Variants in OSMR observed in about 807,000 individuals in gnomAD.
OSMR encodes the protein oncostatin-M-specific receptor subunit beta.
Under a neutral mutation model 99.9 loss-of-function variants are expected in OSMR, and 81 were observed. The ratio of observed to expected loss-of-function variants is 0.81; its 90% confidence interval spans 0.68 to 0.97. OSMR has a LOEUF of 0.97. OSMR is among the 50% of genes least tolerant of loss of function. OSMR has a pLI of 0.00. For synonymous variants in OSMR, 406 were observed against 410.4 expected, an observed-to-expected ratio of 0.99 and a Z score of 0.13; for missense variants, 1,099 against 1,153.4, an observed-to-expected ratio of 0.95 and a Z score of 0.68.
intron 1 of OSMR, among the ~76,000 whole-genome samples, chr5:38,850,053 G>T (rs563480633): frequency 6.6e-6 from 1 of 152,138 alleles, no homozygotes; most frequent in East Asian, 1.9e-4. Context: ...TTATTTATTG[G>T]TAGTATCCTA....
chr5:38,906,531 A>G (rs923035876), intron 9 of OSMR, among the ~76,000 whole-genome samples: 6 of 152,204 alleles, frequency 3.9e-5, no homozygotes, highest in African/African-American at 1.4e-4. Flanking sequence ...TTTGTTATAA[A>G]TAGTAATTTA....
intron 3 of OSMR, among the ~76,000 whole-genome samples, chr5:38,881,012 T>A (rs6888587): frequency 0.21 from 32,149 of 151,902 alleles, 3,476 homozygotes; most frequent in Admixed American, 0.28. Context: ...AGTGTGGCCA[T>A]GTGGCCACCG....
chr5:38,932,735 C>A (rs1172006406), intron 17 of OSMR, 137 bp from the exon 18 acceptor site: 4 of 1,523,806 alleles, frequency 2.6e-6, no homozygotes, highest in Non-Finnish European at 3.5e-6. Context: ...TTCAACATCA[C>A]CTCCAGGTTA....
rs535049055 is a variant in OSMR at position 38,910,289 on chromosome 5, A to T, written c.1285+5786A>T. ...CATAATAATAGTAGGAGACTTCAAC[A>T]TTTTGCTGACAGTATTACATGAATT... On this transcript the variant is annotated intron_variant, in intron 9 of 17. Coordinates refer to ENST00000274276, the MANE Select transcript of OSMR (RefSeq NM_003999.3). Among the ~76,000 whole-genome samples, 24 of 152,314 alleles carry T rather than the reference A, an allele frequency of 1.6e-4. No individual in the cohort carries two copies. The South Asian group carries it at 3.9e-3, about 25-fold the overall frequency.
At chr5:38,869,538 G>A (rs938643322) in intron 2 of OSMR, among the ~76,000 whole-genome samples, 32 of 152,180 alleles carry the variant, frequency 2.1e-4, no homozygotes, top group African/African-American at 7.5e-4. Context: ...TATGTTCATT[G>A]AGAAGCTGTT....
intron 3 of OSMR, chr5:38,881,373 A>G: frequency 2.1e-6 from 1 of 476,990 alleles, no homozygotes; most frequent in East Asian, 1.5e-4. Context: ...TTGGAAGACC[A>G]TAGTGATTGG....
At chr5:38,853,836 A>G (rs1287825484) in intron 1 of OSMR, among the ~76,000 whole-genome samples, 3 of 152,194 alleles carry the variant, frequency 2.0e-5, no homozygotes, top group Non-Finnish European at 4.4e-5. Context: ...ACACTTAACC[A>G]TTATCCAGTG....
chr5:38,881,021 C>T (rs896833095), intron 3 of OSMR, among the ~76,000 whole-genome samples: 4 of 152,044 alleles, frequency 2.6e-5, no homozygotes, highest in Non-Finnish European at 4.4e-5. Context: ...ATGTGGCCAC[C>T]GTATCTGAAA....
In OSMR at chr5:38,918,964, T is replaced by C. The variant is rs768712357; in HGVS notation, c.1487T>C (p.Ile496Thr). ...IPAPANSTKL[I>T]LDRCSYQICV... The stretch of plus-strand genomic sequence containing the variant: ...GCACCAGCCAACAGCACAAAACTAA[T>C]CCTTGACAGGTGTTCCTACCAAATC... Residue 496 changes from isoleucine to threonine, a missense_variant, in exon 11 of 18, where the codon ATC (isoleucine) becomes ACC (threonine). Transcript: ENST00000274276. 6.2e-7 allele frequency: 1 copy of C among 1,614,032 alleles called. No individual in the cohort carries two copies. Among genetic ancestry groups the C allele is most frequent in the Non-Finnish European group, 8.5e-7 (1 of 1,180,018 alleles).
At chr5:38,912,159 T>C (rs890183841) in intron 9 of OSMR, among the ~76,000 whole-genome samples, 1 of 152,106 alleles carries the variant, frequency 6.6e-6, no homozygotes, top group Non-Finnish European at 1.5e-5. Context: ...TATGATTGTA[T>C]ACCTAGAAAA....
intron 1 of OSMR, chr5:38,942,962 C>T (rs1260211411): frequency 1.2e-6 from 2 of 1,602,402 alleles, no homozygotes; most frequent in Middle Eastern, 3.3e-4. Flanking sequence ...GAGGATACTT[C>T]TCCTTAATTC....
chr5:38,919,280 T>A, intron 11 of OSMR: 1 of 1,503,086 alleles, frequency 6.7e-7, no homozygotes, highest in Non-Finnish European at 8.9e-7. Context: ...GCTCAGGACA[T>A]TTCTGTCCAG....
intron 7 of OSMR, among the ~76,000 whole-genome samples, chr5:38,893,471 A>G (rs1280194084): frequency 1.3e-5 from 2 of 152,228 alleles, no homozygotes; most frequent in East Asian, 3.9e-4. Flanking sequence ...AAAGAGAAAC[A>G]TCTTGAAAAG....
chr5:38,919,917 A>T (rs1179348564), intron 11 of OSMR, among the ~76,000 whole-genome samples: 1 of 152,222 alleles, frequency 6.6e-6, no homozygotes, highest in Non-Finnish European at 1.5e-5. Context: ...CATGAGGAAA[A>T]GAAACTATAT....
chr5:38,854,543 G>A (rs1740699542), intron 1 of OSMR, among the ~76,000 whole-genome samples: 1 of 152,084 alleles, frequency 6.6e-6, no homozygotes, highest in Non-Finnish European at 1.5e-5. Context: ...TGCAGAGAAG[G>A]AAAGTCAATG....
intron 1 of OSMR, among the ~76,000 whole-genome samples, chr5:38,860,755 C>A (rs1741224522): frequency 6.6e-6 from 1 of 152,178 alleles, no homozygotes; most frequent in Non-Finnish European, 1.5e-5. Flanking sequence ...TCACTGCAAC[C>A]TCCGCCTCCT....
intron 17 of OSMR, 125 bp from the exon 18 acceptor site, chr5:38,932,747 T>C (rs1746817539): frequency 6.5e-7 from 1 of 1,533,100 alleles, no homozygotes; most frequent in African/African-American, 1.4e-5. Flanking sequence ...TCCAGGTTAC[T>C]TGTGACCAGG....
chr5:38,872,202 A>T (rs1742436464), intron 2 of OSMR, among the ~76,000 whole-genome samples: 1 of 152,176 alleles, frequency 6.6e-6, no homozygotes, highest in Non-Finnish European at 1.5e-5. Context: ...TTTCCCAAGG[A>T]AGTCCTAGAT....
rs775514549 is a variant in OSMR at position 38,918,833 on chromosome 5, T to C, written c.1363-7T>C. 8.1e-6 allele frequency: 13 copies of C among 1,613,884 alleles called. No individual in the cohort carries two copies. The highest frequency in any genetic ancestry group is 9.3e-6 in the Non-Finnish European group (11 of 1,179,768). On this transcript the variant is annotated splice_polypyrimidine_tract_variant and splice_region_variant and intron_variant, in intron 10 of 17. Coordinates refer to ENST00000274276, the MANE Select transcript of OSMR (RefSeq NM_003999.3). ...CATTTAAAAATGTTTATCAATATTT[T>C]TTTCAGCCATTATCAAAACTGCATG...
Sources: gnomAD v4.1 joint callset for allele counts (sites outside exome capture counted in the v4.1 genomes callset) on GRCh38, gnomAD v4.1.1 for gene constraint, MANE v1.5 for transcripts, NCBI Gene and HGNC (gene_info 2026-07-23, HGNC 2026-07-21) for gene names.